Variants in FAM149A observed in about 807,000 individuals in gnomAD.
FAM149A encodes the protein family with sequence similarity 149 member A.
FAM149A carries 71 observed loss-of-function variants against 78.2 expected under a neutral mutation model. The observed-to-expected ratio is 0.91, with a 90% confidence interval of 0.75 to 1.11. The LOEUF (loss-of-function observed/expected upper bound fraction) is 1.11. Ranked by LOEUF, FAM149A falls within the 50% of genes least tolerant of loss-of-function variation. The pLI, the probability that FAM149A is intolerant of heterozygous loss-of-function variation, is 0.00. For synonymous variants in FAM149A, 446 were observed against 410.5 expected (o/e 1.09, Z -1.04); for missense variants, 1,036 against 971.0 (o/e 1.07, Z -0.89).
chr4:186,107,219 T>C (rs1326464801), intron 1 of FAM149A, among the ~76,000 whole-genome samples: 2 of 152,214 alleles, frequency 1.3e-5, no homozygotes, highest in Non-Finnish European at 2.9e-5. Context: ...TTTTAACAAA[T>C]AGGCACTGAA....
chr4:186,152,886 G>C (rs1185128578), intron 4 of FAM149A, among the ~76,000 whole-genome samples: 1 of 152,068 alleles, frequency 6.6e-6, no homozygotes, highest in East Asian at 1.9e-4. Flanking sequence ...ACGTACTGGG[G>C]GACAGTTTAT....
At chr4:186,137,011 T>TCTCC (rs2099323610) in intron 1 of FAM149A, among the ~76,000 whole-genome samples, 1 of 137,582 alleles carries the variant, frequency 7.3e-6, no homozygotes, top group Non-Finnish European at 1.6e-5. Context: ...TCTCTCTCTC[T>TCTCC]CTCTCTCTAA....
At chr4:186,158,149 G>A in intron 8 of FAM149A, 1 of 1,286,552 alleles carries the variant, frequency 7.8e-7, no homozygotes, top group South Asian at 1.3e-5. Context: ...CTGGCCGGCA[G>A]GCTGTGCTGA....
intron 1 of FAM149A, chr4:186,110,264 A>T: frequency 1.0e-6 from 1 of 985,224 alleles, no homozygotes; most frequent in Non-Finnish European, 1.2e-6. Context: ...AAGAATAATT[A>T]TTGTCTTAGG....
Position 186,173,140 on chromosome 4 carries a change from A to G in FAM149A, c.*1153A>G, listed in dbSNP as rs1161807771. ...TTAGATTTATAAACTATATACACAC[A>G]TATATGTATCATATAAATGCATAAT... is the stretch of plus-strand genomic sequence containing the variant. On this transcript the variant is annotated 3_prime_UTR_variant, in exon 14 of 14. Coordinates refer to ENST00000389354, the MANE Select transcript of FAM149A (RefSeq NM_001367768.3). Among the ~76,000 whole-genome samples, 2 of 112,736 alleles carry G rather than the reference A, an allele frequency of 1.8e-5. 1 individual carries two copies. Among genetic ancestry groups the G allele is most frequent in the Non-Finnish European group, 4.5e-5 (2 of 44,658 alleles). The allele number at this position is 112,736 out of a possible 152,430, so 74.0% of individuals were successfully genotyped here.
intron 1 of FAM149A, chr4:186,126,220 A>G (rs551678319): frequency 5.1e-4 from 213 of 420,368 alleles, no homozygotes; most frequent in Non-Finnish European, 6.4e-4. Context: ...ATACCTTGAC[A>G]TACTTGCCCT....
rs1355435616 is a variant in FAM149A, at chr4:186,157,597, G to A, written c.1453G>A (p.Ala485Thr). ...AAAACAGAGAGAAACATTGAAAGTGGCTGGAAACAGATTTCCGCACGTCCT... is the reference window on the plus strand; with the variant it reads ...AAAACAGAGAGAAACATTGAAAGTGACTGGAAACAGATTTCCGCACGTCCT... The change falls in exon 8 of 14, where the codon GCT becomes ACT. Residue 485 changes from alanine (A) to threonine (T), a missense_variant. Around this residue, in one of 3 missense-constraint regions of FAM149A, gnomAD observed 716 missense variants for 711.8 expected, o/e 1.01. Transcript: ENST00000389354. The A allele has an allele frequency of 1.2e-6, 2 of 1,614,052 alleles. No homozygotes were observed. Among genetic ancestry groups the A allele is most frequent in the Non-Finnish European group, 1.7e-6 (2 of 1,180,000 alleles).
At chr4:186,139,139 T>C (rs2099324740) in intron 1 of FAM149A, among the ~76,000 whole-genome samples, 1 of 152,214 alleles carries the variant, frequency 6.6e-6, no homozygotes, top group South Asian at 2.1e-4. Context: ...TTGGGGCTCT[T>C]TCAGGATGGC....
chr4:186,170,043 G>T (rs991146987), intron 13 of FAM149A: 1 of 650,652 alleles, frequency 1.5e-6, no homozygotes, highest in Non-Finnish European at 1.9e-6. Context: ...GTATGTCCAG[G>T]CCCCCTCAGG....
chr4:186,150,595 A>G (rs1319147319), intron 3 of FAM149A, among the ~76,000 whole-genome samples: 1 of 97,452 alleles, frequency 1.0e-5, no homozygotes, highest in Non-Finnish European at 2.1e-5. Context: ...AATTTTTTGT[A>G]TTTTTAATAG....
At position 186,105,361 on chromosome 4, in the gene FAM149A, C is replaced by G; in HGVS notation, c.285C>G (p.Leu95=). The G allele has an allele frequency of 1.7e-6, 2 of 1,187,606 alleles. No individual in the cohort carries two copies. Among genetic ancestry groups the G allele is most frequent in the African/African-American group, 3.4e-5 (2 of 59,534 alleles). The allele number at this position is 1,187,606 out of a possible 1,614,324, so 73.6% of individuals were successfully genotyped here. The stretch of plus-strand genomic sequence containing the variant: ...CCGCGGGAGCAGTGGGGACCCTGCT[C>G]TCTTGGCCCAGTAGCCCTAGAGCGG... The change falls in exon 1 of 14, where the codon CTC becomes CTG. Residue 95 remains leucine, a synonymous_variant. Coordinates refer to ENST00000389354, the MANE Select transcript of FAM149A (RefSeq NM_001367768.3).
intron 13 of FAM149A, chr4:186,169,492 C>G: frequency 1.0e-6 from 1 of 985,400 alleles, no homozygotes; most frequent in Non-Finnish European, 1.2e-6. Context: ...AAAGTCTTGT[C>G]CCTCAAAAAT....
At chr4:186,110,863 A>G (rs1204092362) in intron 1 of FAM149A, among the ~76,000 whole-genome samples, 4 of 150,498 alleles carry the variant, frequency 2.7e-5, no homozygotes, top group East Asian at 1.9e-4. Flanking sequence ...CTATGTGTGC[A>G]TGTGTCTTTA....
At position 186,105,660 on chromosome 4, in the gene FAM149A, C is replaced by T. The variant is rs1195073745; in HGVS notation, c.566+18C>T. On this transcript the variant is annotated intron_variant, in intron 1 of 13. Transcript: ENST00000389354. Reference sequence around the variant, plus strand: ...GGCGAAGCGTGAGTAGCAGCGTGGTCCGGGCGCGTGTACCTTTTGCCGGGA... The same window carrying T: ...GGCGAAGCGTGAGTAGCAGCGTGGTTCGGGCGCGTGTACCTTTTGCCGGGA... The T allele has an allele frequency of 2.8e-6, 3 of 1,053,500 alleles. No homozygotes were observed. The highest frequency in any genetic ancestry group is 5.2e-5 in the South Asian group (2 of 38,422). 65.3% of individuals were successfully genotyped at this position (1,053,500 alleles called of 1,614,324 possible).
chr4:186,173,422 G>A lies in FAM149A; in HGVS notation c.*1435G>A, dbSNP rs112813515. Among the ~76,000 whole-genome samples the A allele has an allele frequency of 0.016, 1,811 of 110,304 alleles. 396 individuals are homozygous for A. The highest frequency in any genetic ancestry group is 0.048 in the African/African-American group (1,693 of 35,016). The allele number at this position is 110,304 out of a possible 152,430, so 72.4% of individuals were successfully genotyped here. A position where few individuals can be genotyped will look rare whatever the true frequency, so the allele number is the denominator to read the frequency against. On this transcript the variant is annotated 3_prime_UTR_variant, in exon 14 of 14. Coordinates refer to ENST00000389354, the MANE Select transcript of FAM149A (RefSeq NM_001367768.3). ...GGCTGGAGTGCAGTGGCACGATCTC[G>A]GCTCACTACAACCTCCACCTCCTGG...
intron 1 of FAM149A, among the ~76,000 whole-genome samples, chr4:186,128,479 A>T (rs1161676683): frequency 1.3e-5 from 2 of 151,952 alleles, no homozygotes; most frequent in African/African-American, 2.4e-5. Flanking sequence ...ATTATAAAAA[A>T]AAAAACCAAA....
Position 186,156,102 on chromosome 4 carries a change from G to A in FAM149A, c.1332G>A (p.Val444=), listed in dbSNP as rs144604546. 1.2e-6 allele frequency: 2 copies of A among 1,613,938 alleles called. No homozygotes were observed. The highest frequency in any genetic ancestry group is 1.7e-6 in the Non-Finnish European group (2 of 1,179,892). ...CGCGTGACTGTGTCAAAGATGCCGT[G>A]GCAGCAGAAGTGTTTGATCACGTCT... The change falls in exon 7 of 14, where the codon GTG becomes GTA. Residue 444 remains valine (V), a synonymous_variant. Coordinates refer to ENST00000389354, the MANE Select transcript of FAM149A (RefSeq NM_001367768.3).
chr4:186,142,306 A>C (rs1265007353), intron 1 of FAM149A, among the ~76,000 whole-genome samples: 1 of 152,098 alleles, frequency 6.6e-6, no homozygotes, highest in East Asian at 1.9e-4. Flanking sequence ...TTGTCTCTCT[A>C]GTTCGCAGGT....
At chr4:186,137,865 A>G (rs997092563) in intron 1 of FAM149A, among the ~76,000 whole-genome samples, 1 of 151,598 alleles carries the variant, frequency 6.6e-6, no homozygotes, top group East Asian at 1.9e-4. Flanking sequence ...TAAATAATAT[A>G]TTCTATATTT....
Sources: allele counts gnomAD v4.1 joint callset (sites outside exome capture counted in the v4.1 genomes callset), GRCh38; gene constraint gnomAD v4.1.1; regional missense constraint gnomAD v4.1.1; transcripts MANE v1.5; gene names NCBI Gene and HGNC (gene_info 2026-07-23, HGNC 2026-07-21).